The following TRERF1 variants were observed in gnomAD, a reference collection of about 807,000 sequenced individuals.
TRERF1 encodes the protein transcriptional regulating factor 1, also known as transcriptional-regulating factor 1.
A neutral mutation model predicts 122.9 loss-of-function variants in TRERF1; 27 were observed. The observed-to-expected ratio is 0.22, with a 90% confidence interval of 0.16 to 0.30. The LOEUF (loss-of-function observed/expected upper bound fraction) is 0.30. Among genes scored for constraint, TRERF1 ranks in the 10% least tolerant of loss-of-function variants. The pLI, the probability that TRERF1 is intolerant of heterozygous loss-of-function variation, is 1.00. For missense variants in TRERF1, 1,248 were observed against 1,560.3 expected, an observed-to-expected ratio of 0.80 and a Z score of 3.37; for synonymous variants, 636 against 641.7, an observed-to-expected ratio of 0.99 and a Z score of 0.13.
chr6:42,401,536 T>G (rs1423492677), intron 2 of TRERF1, among the ~76,000 whole-genome samples: 1 of 152,138 alleles, frequency 6.6e-6, no homozygotes, highest in Non-Finnish European at 1.5e-5. Flanking sequence ...AAGGCACAGA[T>G]AAGCATACAG....
chr6:42,394,329 C>T lies in TRERF1; in HGVS notation c.-453-31250G>A, dbSNP rs186586154. Among the ~76,000 whole-genome samples, 8 of 152,306 alleles carry T rather than the reference C, an allele frequency of 5.3e-5. No homozygotes were observed. In the East Asian group the frequency reaches 1.5e-3, roughly 29 times the overall value. ...AGCAGGCTATCCTGTCTACACCCTC[C>T]CCTGATCAACGCCCACCTTGGTGGG... is the stretch of plus-strand genomic sequence containing the variant. On this transcript the variant is annotated intron_variant, in intron 2 of 17. Coordinates refer to ENST00000372922, the Ensembl canonical transcript of TRERF1.
At chr6:42,398,664 C>A (rs1279691536) in intron 2 of TRERF1, among the ~76,000 whole-genome samples, 1 of 152,206 alleles carries the variant, frequency 6.6e-6, no homozygotes, top group African/African-American at 2.4e-5. Context: ...GGCACATTGC[C>A]TTGTGCATGG....
intron 2 of TRERF1, among the ~76,000 whole-genome samples, chr6:42,381,313 G>A (rs1258572137): frequency 6.7e-6 from 1 of 150,074 alleles, no homozygotes; most frequent in Admixed American, 6.6e-5. Context: ...GTATTTGGTG[G>A]TTCCTTAAAA....
At chr6:42,340,711 C>T (rs1767113524) in intron 3 of TRERF1, among the ~76,000 whole-genome samples, 2 of 152,208 alleles carry the variant, frequency 1.3e-5, no homozygotes, top group Admixed American at 1.3e-4. Context: ...AGCGATCCTC[C>T]CACCTCAGCC....
At chr6:42,333,188 T>C (rs558057427) in intron 3 of TRERF1, among the ~76,000 whole-genome samples, 70 of 152,344 alleles carry the variant, frequency 4.6e-4, no homozygotes, top group Non-Finnish European at 8.7e-4. Flanking sequence ...TTAACTGAGA[T>C]GCTTCCTGAT....
chr6:42,243,500 GC>G, intron 14 of TRERF1, 139 bp from the exon 15 acceptor site: 1 of 600,468 alleles, frequency 1.7e-6, no homozygotes, highest in East Asian at 3.0e-5. Flanking sequence ...CTGGTGAAAG[GC>G]CTCCTTCACA....
chr6:42,450,902 C>T (rs1222016433), intron 2 of TRERF1, among the ~76,000 whole-genome samples: 1 of 152,184 alleles, frequency 6.6e-6, no homozygotes. Flanking sequence ...AACATCACAA[C>T]CTCAAATGCA....
chr6:42,358,526 C>T (rs996438393), intron 3 of TRERF1, among the ~76,000 whole-genome samples: 6 of 152,200 alleles, frequency 3.9e-5, no homozygotes, highest in African/African-American at 9.6e-5. Flanking sequence ...AGGGCAAATG[C>T]GGGGCAGTGC....
intron 2 of TRERF1, among the ~76,000 whole-genome samples, chr6:42,448,724 T>C (rs760845632): frequency 1.2e-4 from 19 of 152,228 alleles, no homozygotes; most frequent in Non-Finnish European, 2.2e-4. Flanking sequence ...CTTCCCCACC[T>C]TTCTTTCCAG....
chr6:42,368,164 T>A (rs1773106496), intron 2 of TRERF1, among the ~76,000 whole-genome samples: 1 of 152,092 alleles, frequency 6.6e-6, no homozygotes, highest in South Asian at 2.1e-4. Flanking sequence ...ATCCAGGCAG[T>A]ATACTTGGTG....
chr6:42,239,020 C>T (rs763863552), intron 15 of TRERF1, among the ~76,000 whole-genome samples: 2 of 152,166 alleles, frequency 1.3e-5, no homozygotes, highest in South Asian at 4.1e-4. Context: ...AAAACCTCAA[C>T]CTTCTTCACT....
At chr6:42,316,348 G>A (rs1302688603) in intron 3 of TRERF1, among the ~76,000 whole-genome samples, 1 of 152,182 alleles carries the variant, frequency 6.6e-6, no homozygotes, top group Non-Finnish European at 1.5e-5. Context: ...AGGCAGGTCA[G>A]AACCCTTCCT....
chr6:42,422,902 C>T lies in TRERF1; in HGVS notation c.-454+28275G>A, dbSNP rs185550361. Among the ~76,000 whole-genome samples, 597 of 152,212 alleles carry T rather than the reference C, an allele frequency of 3.9e-3. 6 individuals are homozygous for T. The highest frequency in any genetic ancestry group is 0.014 in the African/African-American group (569 of 41,512). On this transcript the variant is annotated intron_variant, in intron 2 of 17. Coordinates refer to ENST00000372922, the Ensembl canonical transcript of TRERF1. Reference sequence around the variant, plus strand: ...TTGCCCAGGCTGGAGTGCAATGGCGCGATCTTGGCTCACCACAACCTCCAT... The same window carrying T: ...TTGCCCAGGCTGGAGTGCAATGGCGTGATCTTGGCTCACCACAACCTCCAT...
intron 8 of TRERF1, among the ~76,000 whole-genome samples, chr6:42,262,204 A>G (rs918086786): frequency 2.6e-5 from 4 of 152,046 alleles, no homozygotes; most frequent in African/African-American, 9.7e-5. Context: ...GTTCTCCATC[A>G]GTTTCTCTTC....
intron 16 of TRERF1, among the ~76,000 whole-genome samples, chr6:42,234,471 G>A (rs1222913276): frequency 6.6e-6 from 1 of 151,910 alleles, no homozygotes; most frequent in Non-Finnish European, 1.5e-5. Context: ...CCAAGTAGCT[G>A]GGACTACAGG....
chr6:42,446,533 T>C (rs1787549552), intron 2 of TRERF1, among the ~76,000 whole-genome samples: 1 of 152,248 alleles, frequency 6.6e-6, no homozygotes, highest in Non-Finnish European at 1.5e-5. Flanking sequence ...TGTCTGCCTC[T>C]GGACTGTAAG....
intron 16 of TRERF1, among the ~76,000 whole-genome samples, chr6:42,233,572 A>G (rs892845284): frequency 4.6e-5 from 7 of 152,140 alleles, no homozygotes; most frequent in African/African-American, 1.7e-4. Context: ...GGCGTGAGCC[A>G]CCACGCCTGG....
chr6:42,318,346 C>T (rs1762842968), intron 3 of TRERF1, among the ~76,000 whole-genome samples: 1 of 152,126 alleles, frequency 6.6e-6, no homozygotes, highest in Non-Finnish European at 1.5e-5. Flanking sequence ...GGCACTCTAC[C>T]CCTACCATGT....
chr6:42,315,706 A>AGCCCCC (rs1762360533), intron 3 of TRERF1, among the ~76,000 whole-genome samples: 3 of 118,678 alleles, frequency 2.5e-5, no homozygotes, highest in Non-Finnish European at 5.3e-5. Context: ...GAGGAACACC[A>AGCCCCC]CCCCCCCCCC....
Sources: gnomAD v4.1 joint callset for allele counts (sites outside exome capture counted in the v4.1 genomes callset) on GRCh38, gnomAD v4.1.1 for gene constraint, MANE v1.5 for transcripts, NCBI Gene and HGNC (gene_info 2026-07-23, HGNC 2026-07-21) for gene names.